The following GIGYF2 variants were observed in gnomAD, a reference collection of about 807,000 sequenced individuals.
GIGYF2 encodes GRB10-interacting GYF protein 2.
In GIGYF2, 25 loss-of-function variants were observed where a neutral mutation model predicts 208.1. The observed-to-expected ratio is 0.12, with a 90% confidence interval of 0.09 to 0.17. The LOEUF (loss-of-function observed/expected upper bound fraction) is 0.17. Ranked by LOEUF, GIGYF2 falls within the 10% of genes least tolerant of loss-of-function variation. GIGYF2 has a pLI of 1.00. For synonymous variants in GIGYF2, 534 were observed against 543.8 expected (o/e 0.98, Z 0.25); for missense variants, 1,302 against 1,579.4 (o/e 0.82, Z 2.98).
Position 232,810,217 on chromosome 2 carries a change from GC to G in GIGYF2, c.1898+408del, listed in dbSNP as rs1360337029. 1.2e-4 allele frequency: 22 copies of G among 180,418 alleles called. No individual in the cohort carries two copies. In the East Asian group the frequency reaches 3.1e-3, roughly 26 times the overall value. The allele number at this position is 180,418 out of a possible 1,614,324, so 11.2% of individuals were successfully genotyped here. A position where few individuals can be genotyped will look rare whatever the true frequency, so the allele number is the denominator to read the frequency against. On this transcript the variant is annotated intron_variant, in intron 16 of 28. Coordinates refer to ENST00000373563, the MANE Select transcript of GIGYF2 (RefSeq NM_001103146.3). ...TGGCGAGGCTGGCCTCGAACTCCCA[GC>G]CTCAAGTGATCTGCCTGCCTCGCCT... is the stretch of plus-strand genomic sequence containing the variant.
At chr2:232,783,272 G>A (rs1245057922) in intron 8 of GIGYF2, among the ~76,000 whole-genome samples, 2 of 152,184 alleles carry the variant, frequency 1.3e-5, no homozygotes, top group African/African-American at 2.4e-5. Context: ...AAGATAAAGA[G>A]GAAAGCAACA....
intron 3 of GIGYF2, among the ~76,000 whole-genome samples, chr2:232,739,363 C>CG (rs1491305502): frequency 2.8e-3 from 43 of 15,596 alleles, no homozygotes; most frequent in South Asian, 5.7e-3. Context: ...AAAAGCAAAC[C>CG]CCCCCCCCCC....
chr2:232,835,038 A>T (rs548642761), intron 22 of GIGYF2, among the ~76,000 whole-genome samples: 1 of 151,968 alleles, frequency 6.6e-6, no homozygotes, highest in African/African-American at 2.4e-5. Flanking sequence ...CCATTATTCC[A>T]CTTTGTGTGC....
intron 2 of GIGYF2, among the ~76,000 whole-genome samples, chr2:232,704,564 C>T (rs536653629): frequency 1.3e-3 from 202 of 152,164 alleles, no homozygotes; most frequent in Non-Finnish European, 1.5e-3. Flanking sequence ...GCCACCACAC[C>T]CAGCTAATTT....
chr2:232,715,417 G>T (rs763458819), intron 2 of GIGYF2, among the ~76,000 whole-genome samples: 25 of 152,100 alleles, frequency 1.6e-4, no homozygotes, highest in Non-Finnish European at 3.4e-4. Flanking sequence ...AAGGAGAAAA[G>T]CCAGCAGTAA....
chr2:232,823,062 T>G (rs1328570145), intron 21 of GIGYF2, among the ~76,000 whole-genome samples: 3 of 152,176 alleles, frequency 2.0e-5, no homozygotes, highest in Non-Finnish European at 4.4e-5. Flanking sequence ...GAATAGATAC[T>G]GAGGTTGTAA....
At position 232,710,152 on chromosome 2, in the gene GIGYF2, G is replaced by A. The variant is rs189546983; in HGVS notation, c.-44+6663G>A. 4.9e-3 allele frequency among the ~76,000 whole-genome samples: 748 copies of A among 151,804 alleles called. 4 individuals are homozygous for A. Among genetic ancestry groups the A allele is most frequent in the African/African-American group, 0.017 (723 of 41,362 alleles). ...TTTTTTGTATTTTTAGTAGAGATGGGGTTTTACCATGTTAGCCAGGATGGT... is the reference window on the plus strand; with the variant it reads ...TTTTTTGTATTTTTAGTAGAGATGGAGTTTTACCATGTTAGCCAGGATGGT... On this transcript the variant is annotated intron_variant, in intron 2 of 28. Transcript: ENST00000373563.
chr2:232,725,982 A>G (rs1697182898), intron 2 of GIGYF2, among the ~76,000 whole-genome samples: 1 of 152,240 alleles, frequency 6.6e-6, no homozygotes, highest in Admixed American at 6.5e-5. Flanking sequence ...GGGAGAGCTC[A>G]GGACATGGAT....
intron 8 of GIGYF2, among the ~76,000 whole-genome samples, chr2:232,781,814 A>G (rs1699731376): frequency 6.6e-6 from 1 of 152,196 alleles, no homozygotes; most frequent in Non-Finnish European, 1.5e-5. Flanking sequence ...CACTTAGTGT[A>G]GAAATAAACC....
intron 2 of GIGYF2, among the ~76,000 whole-genome samples, chr2:232,713,317 A>G (rs984865650): frequency 3.3e-5 from 5 of 152,056 alleles, no homozygotes; most frequent in African/African-American, 1.2e-4. Context: ...ACCTCAAGTG[A>G]TCGGCTGACT....
At chr2:232,795,853 T>C (rs1408641868) in intron 13 of GIGYF2, among the ~76,000 whole-genome samples, 1 of 152,178 alleles carries the variant, frequency 6.6e-6, no homozygotes, top group East Asian at 1.9e-4. Flanking sequence ...GAACAAGACT[T>C]GGCATCTCTG....
At position 232,844,242 on chromosome 2, in the gene GIGYF2, C is replaced by G; in HGVS notation, c.3086C>G (p.Ala1029Gly). 6.4e-7 allele frequency: 1 copy of G among 1,574,368 alleles called. No homozygotes were observed. Among genetic ancestry groups the G allele is most frequent in the Non-Finnish European group, 8.6e-7 (1 of 1,158,542 alleles). Residue 1029 changes from alanine to glycine, a missense_variant, in exon 24 of 29, where the codon GCT (alanine) becomes GGT (glycine). This residue lies in a region of GIGYF2 where 701 missense variants were observed against 793.0 expected (regional missense o/e 0.88). Coordinates refer to ENST00000373563, the MANE Select transcript of GIGYF2 (RefSeq NM_001103146.3). Reference protein sequence around the residue: ...QQQQHQQPNRARNNTHSNLHT... With the variant: ...QQQQHQQPNRGRNNTHSNLHT... The stretch of plus-strand genomic sequence containing the variant: ...CAGCAACACCAGCAACCAAACAGAG[C>G]TCGTAACAATACGGTGTGTGCATTT...
rs749452527 is a variant in GIGYF2, at chr2:232,806,474, A to C, written c.1640-17A>C. The stretch of plus-strand genomic sequence containing the variant: ...AAGGTTTCTTATTGTCTTTCTGTTT[A>C]ATTGGTGCTGTTATAGGTCCCTTCA... On this transcript the variant is annotated splice_polypyrimidine_tract_variant and intron_variant, in intron 14 of 28. Transcript: ENST00000373563. This position sits in a 1 kb window ranked among gnomAD's most constrained non-coding sequence, Gnocchi z 4.0. The C allele has an allele frequency of 6.4e-7, 1 of 1,560,160 alleles. No individual in the cohort carries two copies. The highest frequency in any genetic ancestry group is 8.8e-7 in the Non-Finnish European group (1 of 1,130,918).
At chr2:232,752,290 A>G (rs1169970233) in intron 5 of GIGYF2, among the ~76,000 whole-genome samples, 1 of 152,162 alleles carries the variant, frequency 6.6e-6, no homozygotes, top group Non-Finnish European at 1.5e-5. Flanking sequence ...AGAGTTTTGT[A>G]TACCTTTTCT....
chr2:232,842,069 A>G (rs1049157320), intron 23 of GIGYF2, among the ~76,000 whole-genome samples: 1 of 151,606 alleles, frequency 6.6e-6, no homozygotes, highest in Non-Finnish European at 1.5e-5. Context: ...CAAACTCCTG[A>G]GCTCAAGCGA....
chr2:232,710,344 C>T (rs1053563077), intron 2 of GIGYF2, among the ~76,000 whole-genome samples: 1 of 152,168 alleles, frequency 6.6e-6, no homozygotes, highest in Non-Finnish European at 1.5e-5. Context: ...CCACCTTGGC[C>T]TCCCAAAATG....
At chr2:232,773,189 T>C (rs1189508713) in intron 8 of GIGYF2, among the ~76,000 whole-genome samples, 1 of 152,234 alleles carries the variant, frequency 6.6e-6, no homozygotes. Context: ...TTTCTTGGCA[T>C]AGCTACTTAA....
chr2:232,811,997 A>G (rs1003385641), intron 17 of GIGYF2, among the ~76,000 whole-genome samples: 2 of 152,204 alleles, frequency 1.3e-5, no homozygotes, highest in Non-Finnish European at 2.9e-5. Context: ...GATTAATGTA[A>G]CACACAGGAA....
intron 21 of GIGYF2, among the ~76,000 whole-genome samples, chr2:232,829,379 C>T (rs1701347610): frequency 6.6e-6 from 1 of 152,066 alleles, no homozygotes; most frequent in African/African-American, 2.4e-5. Context: ...TTGTATGTAT[C>T]TACTGATTTT....
Sources: allele counts gnomAD v4.1 joint callset (sites outside exome capture counted in the v4.1 genomes callset), GRCh38; gene constraint gnomAD v4.1.1; regional missense constraint gnomAD v4.1.1; non-coding constraint Gnocchi (gnomAD v3.1); transcripts MANE v1.5; gene names NCBI Gene and HGNC (gene_info 2026-07-23, HGNC 2026-07-21).